CADM2: variants seen among roughly 807,000 people sequenced by gnomAD.
CADM2 encodes cell adhesion molecule 2, also known as immunoglobulin superfamily member 4D.
CADM2 carries 12 observed loss-of-function variants against 49.8 expected under a neutral mutation model. The observed-to-expected ratio is 0.24, with a 90% confidence interval of 0.15 to 0.39. The LOEUF (loss-of-function observed/expected upper bound fraction) is 0.39. Among genes scored for constraint, CADM2 ranks in the 10% least tolerant of loss-of-function variants. The pLI, the probability that CADM2 is intolerant of heterozygous loss-of-function variation, is 1.00. For missense variants in CADM2, 378 were observed against 492.3 expected, an observed-to-expected ratio of 0.77 and a Z score of 2.20; for synonymous variants, 214 against 175.4, an observed-to-expected ratio of 1.22 and a Z score of -1.74.
chr3:85,516,061 G>T (rs139242415), intron 1 of CADM2, among the ~76,000 whole-genome samples: 30 of 152,234 alleles, frequency 2.0e-4, no homozygotes, highest in African/African-American at 6.5e-4. Flanking sequence ...GGCAGTGAAT[G>T]TGCACTTAGA....
At chr3:85,682,634 A>G (rs1447749762) in intron 1 of CADM2, among the ~76,000 whole-genome samples, 2 of 152,106 alleles carry the variant, frequency 1.3e-5, no homozygotes, top group Non-Finnish European at 2.9e-5. Flanking sequence ...AAACATTTAT[A>G]CAGTAAAAAT....
At chr3:85,024,352 C>A (rs1162524646) in intron 1 of CADM2, among the ~76,000 whole-genome samples, 1 of 151,978 alleles carries the variant, frequency 6.6e-6, no homozygotes, top group African/African-American at 2.4e-5. Context: ...AACTCAGTTG[C>A]CCAAGATTAT....
intron 8 of CADM2, among the ~76,000 whole-genome samples, chr3:85,965,737 G>A (rs1725394913): frequency 6.6e-6 from 1 of 151,508 alleles, no homozygotes; most frequent in African/African-American, 2.4e-5. Context: ...TCTTCAAGCA[G>A]AAACTACCCG....
At chr3:86,000,068 T>C (rs1577909327) in intron 8 of CADM2, among the ~76,000 whole-genome samples, 1 of 152,188 alleles carries the variant, frequency 6.6e-6, no homozygotes, top group East Asian at 1.9e-4. Flanking sequence ...TTAAAATTCA[T>C]ACATTAGCCT....
At chr3:85,888,350 A>T (rs1011278404) in intron 5 of CADM2, among the ~76,000 whole-genome samples, 2 of 152,176 alleles carry the variant, frequency 1.3e-5, no homozygotes. Context: ...AAACAGATTT[A>T]ATCATACATT....
rs2107461992 is a variant in CADM2 at position 86,071,052 on chromosome 3, C to G, written c.*4269C>G. The G allele has an allele frequency of 6.6e-6, 1 of 151,984 alleles. No individual in the cohort carries two copies. Among genetic ancestry groups the G allele is most frequent in the East Asian group, 1.9e-4 (1 of 5,170 alleles). The allele number at this position is 151,984 out of a possible 1,614,324, so 9.4% of individuals were successfully genotyped here. ...ATTAAAAATACAACTAATTCAAGGA[C>G]AAGTTAAGTTTTTCTTATTAATGTG... is the stretch of plus-strand genomic sequence containing the variant. On this transcript the variant is annotated 3_prime_UTR_variant, in exon 10 of 10. Transcript: ENST00000383699.
intron 1 of CADM2, among the ~76,000 whole-genome samples, chr3:85,555,848 T>C (rs1199497554): frequency 6.6e-6 from 1 of 152,162 alleles, no homozygotes; most frequent in Non-Finnish European, 1.5e-5. Flanking sequence ...AGCTAGTTTA[T>C]AGATCAGATT....
intron 1 of CADM2, among the ~76,000 whole-genome samples, chr3:85,329,712 A>G (rs1405113924): frequency 1.3e-5 from 2 of 152,196 alleles, no homozygotes; most frequent in African/African-American, 4.8e-5. Context: ...ATGCTGAAGT[A>G]TAATTCGTTA....
intron 1 of CADM2, among the ~76,000 whole-genome samples, chr3:85,165,108 T>A (rs908822942): frequency 4.0e-5 from 6 of 151,792 alleles, no homozygotes; most frequent in Non-Finnish European, 7.4e-5. Context: ...ATTTTTGGTA[T>A]TAAATATAAT....
intron 1 of CADM2, among the ~76,000 whole-genome samples, chr3:85,360,113 T>C (rs947494153): frequency 2.6e-5 from 4 of 152,110 alleles, no homozygotes; most frequent in East Asian, 1.9e-4. Context: ...TCAAATAGAA[T>C]GTCTTTGAAT....
At chr3:85,132,560 T>C (rs1278594252) in intron 1 of CADM2, among the ~76,000 whole-genome samples, 1 of 147,304 alleles carries the variant, frequency 6.8e-6, no homozygotes, top group Non-Finnish European at 1.5e-5. Context: ...TATTTTACTT[T>C]CTGCTCATTT....
chr3:85,656,956 C>G lies in CADM2; in HGVS notation c.62-69566C>G, dbSNP rs534892694. Among the ~76,000 whole-genome samples, 3 of 152,246 alleles carry G rather than the reference C, an allele frequency of 2.0e-5. No individual in the cohort carries two copies. The South Asian group carries it at 6.2e-4, about 32-fold the overall frequency. The stretch of plus-strand genomic sequence containing the variant: ...CAATTCTATCTCCCCATGTCCTATT[C>G]AAAACATGATTACACTACTTCTAAA... On this transcript the variant is annotated intron_variant, in intron 1 of 9. Coordinates refer to ENST00000383699, the MANE Select transcript of CADM2 (RefSeq NM_001167675.2).
intron 1 of CADM2, among the ~76,000 whole-genome samples, chr3:85,204,940 T>TCC (rs2041595714): frequency 6.6e-6 from 1 of 151,792 alleles, no homozygotes; most frequent in Non-Finnish European, 1.5e-5. Context: ...TATTATGTAA[T>TCC]TAATAATGAA....
chr3:84,970,699 C>T (rs368150617), intron 1 of CADM2, among the ~76,000 whole-genome samples: 7 of 151,822 alleles, frequency 4.6e-5, no homozygotes, highest in African/African-American at 1.2e-4. Flanking sequence ...GGATTCTTGC[C>T]GCTTTATACA....
rs80330942 is a variant in CADM2, at chr3:85,193,207, A to G, written c.61+233539A>G. Among the ~76,000 whole-genome samples, 507 of 152,188 alleles carry G rather than the reference A, an allele frequency of 3.3e-3. 1 individual carries two copies. Among genetic ancestry groups the G allele is most frequent in the African/African-American group, 0.011 (458 of 41,548 alleles). ...AAAGATTCATAGGACTTTGTAAATT[A>G]GTTGTCTGACTTCATTTTTAACTGG... On this transcript the variant is annotated intron_variant, in intron 1 of 9. Transcript: ENST00000383699.
At chr3:85,308,525 A>C (rs2107033350) in intron 1 of CADM2, among the ~76,000 whole-genome samples, 1 of 152,064 alleles carries the variant, frequency 6.6e-6, no homozygotes, top group Middle Eastern at 3.4e-3. Context: ...CAATGACAAA[A>C]CTAGTTTTCT....
At chr3:85,177,569 A>C (rs2040818405) in intron 1 of CADM2, among the ~76,000 whole-genome samples, 1 of 152,012 alleles carries the variant, frequency 6.6e-6, no homozygotes, top group African/African-American at 2.4e-5. Context: ...AAATGATAAA[A>C]ATAGAGAGCT....
At chr3:85,218,733 T>C (rs1385817953) in intron 1 of CADM2, among the ~76,000 whole-genome samples, 1 of 152,070 alleles carries the variant, frequency 6.6e-6, no homozygotes, top group Non-Finnish European at 1.5e-5. Flanking sequence ...GAGGCAGAGG[T>C]TGCAGTGAGC....
chr3:85,049,362 T>TATTTATTTA (rs1014934503), intron 1 of CADM2, among the ~76,000 whole-genome samples: 8 of 151,380 alleles, frequency 5.3e-5, no homozygotes, highest in African/African-American at 1.9e-4. Context: ...TTTATTTATT[T>TATTTATTTA]ATTTTTGAGA....
Sources: allele counts gnomAD v4.1 joint callset (sites outside exome capture counted in the v4.1 genomes callset), GRCh38; gene constraint gnomAD v4.1.1; transcripts MANE v1.5; gene names NCBI Gene and HGNC (gene_info 2026-07-23, HGNC 2026-07-21).